The following TRAPPC9 variants were observed in gnomAD, a reference collection of about 807,000 sequenced individuals.
TRAPPC9 encodes the protein trafficking protein particle complex subunit 9, also known as IKK2 binding protein.
A neutral mutation model predicts 124.0 loss-of-function variants in TRAPPC9; 83 were observed. The ratio of observed to expected loss-of-function variants is 0.67; its 90% CI spans 0.56 to 0.80. The LOEUF (loss-of-function observed/expected upper bound fraction) is 0.80, where lower values mean the gene tolerates loss of function less well. Among genes scored for constraint, TRAPPC9 ranks in the 30% least tolerant of loss-of-function variants. The pLI is 0.00. For missense variants in TRAPPC9, 1,302 were observed against 1,508.3 expected (o/e 0.86, Z 2.27); for synonymous variants, 638 against 617.5 (o/e 1.03, Z -0.49).
chr8:140,348,746 G>A (rs949592993), intron 9 of TRAPPC9, among the ~76,000 whole-genome samples: 1 of 152,166 alleles, frequency 6.6e-6, no homozygotes, highest in South Asian at 2.1e-4. Flanking sequence ...GTGGTGATAG[G>A]TGCACATATC....
rs1330551026 is a variant in TRAPPC9 at position 140,373,635 on chromosome 8, CCACCTGCTCACCAGCATATGAGGATAT to C, written c.1135-2482_1135-2456del. On this transcript the variant is annotated intron_variant, in intron 7 of 22. Coordinates refer to ENST00000438773, the MANE Select transcript of TRAPPC9 (RefSeq NM_001160372.4). ...ACGATGTGTGAGAATCCCTGTTGCT[CCACCTGCTCACCAGCATATGAGGATAT>C]CACCTGCTCACCAGCATATGAGGAT... Among the ~76,000 whole-genome samples, 302 of 151,684 alleles carry C rather than the reference CCACCTGCTCACCAGCATATGAGGATAT, an allele frequency of 2.0e-3. 1 individual carries two copies. The highest frequency in any genetic ancestry group is 6.5e-3 in the African/African-American group (266 of 40,980).
intron 17 of TRAPPC9, among the ~76,000 whole-genome samples, chr8:140,090,057 C>T (rs1391499073): frequency 4.6e-5 from 7 of 151,838 alleles, no homozygotes; most frequent in African/African-American, 1.7e-4. Context: ...TCCAGCCTGG[C>T]GACAGAGCGA....
intron 17 of TRAPPC9, among the ~76,000 whole-genome samples, chr8:140,125,448 C>T (rs2061074118): frequency 1.3e-5 from 2 of 152,142 alleles, no homozygotes; most frequent in Non-Finnish European, 2.9e-5. Context: ...GCATGGAACT[C>T]TGGAAAGCGC....
intron 18 of TRAPPC9, among the ~76,000 whole-genome samples, chr8:140,003,224 C>G (rs1359778109): frequency 6.6e-6 from 1 of 151,964 alleles, no homozygotes; most frequent in Admixed American, 6.6e-5. Context: ...TACCAAAAAG[C>G]CAGAAAGACA....
At chr8:140,449,707 C>T (rs150418636) in intron 2 of TRAPPC9, among the ~76,000 whole-genome samples, 119 of 152,294 alleles carry the variant, frequency 7.8e-4, no homozygotes, top group African/African-American at 2.6e-3. Context: ...GTGAGGAATT[C>T]GACACTGTGG....
rs1009855324 is a variant in TRAPPC9 at position 139,728,064 on chromosome 8, T to C, written c.*2997A>G. Among the ~76,000 whole-genome samples the C allele has an allele frequency of 6.6e-6, 1 of 152,168 alleles. No individual in the cohort carries two copies. The highest frequency in any genetic ancestry group is 1.5e-5 in the Non-Finnish European group (1 of 68,028). On this transcript the variant is annotated 3_prime_UTR_variant, in exon 23 of 23. Transcript: ENST00000438773. ...GGAGGTTAAATCAAATAAACTGATATGAAAGTGTCCATGAAATAAGTATTT... is the reference window on the plus strand; with the variant it reads ...GGAGGTTAAATCAAATAAACTGATACGAAAGTGTCCATGAAATAAGTATTT...
At chr8:140,437,057 G>C (rs762204377) in intron 3 of TRAPPC9, among the ~76,000 whole-genome samples, 1 of 152,082 alleles carries the variant, frequency 6.6e-6, no homozygotes, top group African/African-American at 2.4e-5. Flanking sequence ...TTGACCTCCT[G>C]AGCCCAAGCG....
At chr8:140,111,646 G>T (rs10101006) in intron 17 of TRAPPC9, among the ~76,000 whole-genome samples, 105,945 of 152,148 alleles carry the variant, frequency 0.7, 37,030 homozygotes, top group East Asian at 0.85. Flanking sequence ...TGAGAGTCAT[G>T]CATTCATTAA....
intron 20 of TRAPPC9, among the ~76,000 whole-genome samples, chr8:139,898,599 G>A (rs1255457732): frequency 6.6e-6 from 1 of 152,122 alleles, no homozygotes; most frequent in Non-Finnish European, 1.5e-5. Flanking sequence ...GCGGTCTTAT[G>A]TGTGTGTTCA....
At chr8:140,082,476 G>A (rs570869038) in intron 17 of TRAPPC9, among the ~76,000 whole-genome samples, 4 of 152,272 alleles carry the variant, frequency 2.6e-5, no homozygotes, top group East Asian at 1.9e-4. Flanking sequence ...GGTGAGAGGC[G>A]AAAGTGCCAC....
At chr8:139,913,202 A>C (rs1831867082) in intron 19 of TRAPPC9, among the ~76,000 whole-genome samples, 1 of 152,256 alleles carries the variant, frequency 6.6e-6, no homozygotes, top group East Asian at 1.9e-4. Context: ...CAACCTTAAC[A>C]AAACTGTAGC....
chr8:139,763,885 G>T (rs1820408949), intron 21 of TRAPPC9, among the ~76,000 whole-genome samples: 1 of 152,244 alleles, frequency 6.6e-6, no homozygotes, highest in Non-Finnish European at 1.5e-5. Context: ...GGCCTCAGCA[G>T]CCAGAAGAAC....
intron 19 of TRAPPC9, among the ~76,000 whole-genome samples, chr8:139,936,498 T>A (rs978279224): frequency 6.6e-6 from 1 of 152,038 alleles, no homozygotes; most frequent in African/African-American, 2.4e-5. Context: ...AGTGGGAGCA[T>A]GGGGAAGTCA....
At chr8:140,005,404 G>A (rs1838682468) in intron 18 of TRAPPC9, among the ~76,000 whole-genome samples, 1 of 152,202 alleles carries the variant, frequency 6.6e-6, no homozygotes, top group African/African-American at 2.4e-5. Flanking sequence ...AGCAGCGTGG[G>A]CACCAGTCAG....
intron 21 of TRAPPC9, among the ~76,000 whole-genome samples, chr8:139,838,056 C>T (rs1332057322): frequency 6.6e-6 from 1 of 152,218 alleles, no homozygotes; most frequent in Non-Finnish European, 1.5e-5. Context: ...AAAGGGCTCG[C>T]TGCACCCACA....
At chr8:140,103,597 G>A (rs1587714397) in intron 17 of TRAPPC9, among the ~76,000 whole-genome samples, 2 of 152,196 alleles carry the variant, frequency 1.3e-5, no homozygotes, top group East Asian at 1.9e-4. Context: ...TGCTGCTGTT[G>A]AAAAGTCCTG....
intron 2 of TRAPPC9, among the ~76,000 whole-genome samples, chr8:140,448,881 C>T (rs1006400384): frequency 3.3e-5 from 5 of 152,146 alleles, no homozygotes; most frequent in East Asian, 1.9e-4. Context: ...GGTGGCTGCC[C>T]GGGTCTCTAA....
At chr8:139,963,682 T>C (rs1314292244) in intron 19 of TRAPPC9, among the ~76,000 whole-genome samples, 1 of 140,774 alleles carries the variant, frequency 7.1e-6, no homozygotes, top group Non-Finnish European at 1.5e-5. Context: ...AGCCATTTGA[T>C]AGATGTAACA....
intron 17 of TRAPPC9, among the ~76,000 whole-genome samples, chr8:140,027,047 C>T (rs1840192583): frequency 6.6e-6 from 1 of 152,160 alleles, no homozygotes; most frequent in South Asian, 2.1e-4. Flanking sequence ...TGAGACTCGA[C>T]ACACACACAC....
Sources: allele counts gnomAD v4.1 joint callset (sites outside exome capture counted in the v4.1 genomes callset), GRCh38; gene constraint gnomAD v4.1.1; transcripts MANE v1.5; gene names NCBI Gene and HGNC (gene_info 2026-07-23, HGNC 2026-07-21).